PADI2: variants seen among roughly 807,000 people sequenced by gnomAD.
The protein encoded by PADI2 is protein-arginine deiminase type-2.
Under a neutral mutation model 81.1 loss-of-function variants are expected in PADI2, and 70 were observed. That is an observed-to-expected ratio of 0.86 (90% CI 0.71 to 1.05). PADI2 has a LOEUF of 1.05. Ranked by LOEUF, PADI2 falls within the 50% of genes least tolerant of loss-of-function variation. PADI2 has a pLI of 0.00. For synonymous variants in PADI2, 338 were observed against 358.0 expected (o/e 0.94, Z 0.63); for missense variants, 853 against 889.9 (o/e 0.96, Z 0.53).
At chr1:17,070,310 G>C in intron 14 of PADI2, 94 bp from the exon 15 acceptor site, 2 of 1,529,860 alleles carry the variant, frequency 1.3e-6, no homozygotes, top group Non-Finnish European at 8.9e-7. Flanking sequence ...CCAGGCCAGG[G>C]GCCCCGGCAC....
At chr1:17,111,119 C>T (rs1931566283) in intron 1 of PADI2, among the ~76,000 whole-genome samples, 1 of 123,282 alleles carries the variant, frequency 8.1e-6, no homozygotes, top group African/African-American at 3.1e-5. Context: ...ACGGAGTCTT[C>T]CTCTGTTGCC....
At chr1:17,094,989 G>A (rs907949976) in intron 4 of PADI2, among the ~76,000 whole-genome samples, 23 of 152,340 alleles carry the variant, frequency 1.5e-4, no homozygotes, top group African/African-American at 5.3e-4. Context: ...CTCCTGACCT[G>A]CAGAGAGTCA....
At chr1:17,096,980 C>T (rs932454) in intron 3 of PADI2, among the ~76,000 whole-genome samples, 86,868 of 152,062 alleles carry the variant, frequency 0.57, 25,102 homozygotes, top group Non-Finnish European at 0.63. Context: ...CCCTCCCAGT[C>T]GTGACAGCCA....
At chr1:17,100,660 ATTTT>A (rs11380769) in intron 3 of PADI2, among the ~76,000 whole-genome samples, 1 of 131,058 alleles carries the variant, frequency 7.6e-6, no homozygotes, top group African/African-American at 2.9e-5. Flanking sequence ...TTGATAGCAA[ATTTT>A]TTTTTTTTTT....
intron 13 of PADI2, 69 bp from the exon 14 acceptor site, chr1:17,071,560 A>T: frequency 8.1e-7 from 1 of 1,238,864 alleles, no homozygotes; most frequent in Non-Finnish European, 1.2e-6. Context: ...CCTTTTGCCA[A>T]GATCCTCCAG....
rs777705056 is a variant in PADI2 at position 17,119,239 on chromosome 1, G to T, written c.92+41C>A. The T allele has an allele frequency of 6.5e-6, 9 of 1,376,470 alleles. No individual in the cohort carries two copies. In the African/African-American group the frequency reaches 1.3e-4, roughly 21 times the overall value. 85.3% of individuals were successfully genotyped at this position (1,376,470 alleles called of 1,614,324 possible). A position where few individuals can be genotyped will look rare whatever the true frequency, so the allele number is the denominator to read the frequency against. On this transcript the variant is annotated intron_variant, in intron 1 of 15. Transcript: ENST00000375486. This position sits in a 1 kb window ranked among gnomAD's most constrained non-coding sequence, Gnocchi z 4.8. ...TCTGAGCGCGTCTCAGGATTTCTGG[G>T]CTCGAGATCTCGGCCCGGGCATCAC...
At position 17,067,724 on chromosome 1, in the gene PADI2, A is replaced by AAT. The variant is rs1400922459; in HGVS notation, c.*1318_*1319dup. ...GCCTGGCGCTTAGTGGCATACAACA[A>AAT]ATGTTTGTTGAATGGTTGAAGGAAA... is the stretch of plus-strand genomic sequence containing the variant. On this transcript the variant is annotated 3_prime_UTR_variant, in exon 16 of 16. Coordinates refer to ENST00000375486, the MANE Select transcript of PADI2 (RefSeq NM_007365.3). The AAT allele has an allele frequency of 6.6e-6, 1 of 152,196 alleles. No homozygotes were observed. The highest frequency in any genetic ancestry group is 2.4e-5 in the African/African-American group (1 of 41,434). 9.4% of individuals were successfully genotyped at this position (152,196 alleles called of 1,614,324 possible).
At chr1:17,085,679 G>C (rs554604070) in intron 7 of PADI2, among the ~76,000 whole-genome samples, 1 of 152,216 alleles carries the variant, frequency 6.6e-6, no homozygotes, top group Admixed American at 6.5e-5. Flanking sequence ...CTAGTGTCTC[G>C]TGGTGGTTAA....
intron 14 of PADI2, among the ~76,000 whole-genome samples, chr1:17,070,895 C>G (rs1397255847): frequency 1.3e-5 from 2 of 152,186 alleles, no homozygotes; most frequent in East Asian, 1.9e-4. Context: ...CTCCTGACCT[C>G]AGGTGATCTG....
At chr1:17,086,201 A>T (rs1930404842) in intron 7 of PADI2, among the ~76,000 whole-genome samples, 1 of 152,200 alleles carries the variant, frequency 6.6e-6, no homozygotes, top group South Asian at 2.1e-4. Context: ...GCCTCGCGCT[A>T]ATCAGCAGGA....
rs368362488 is a variant in PADI2 at position 17,086,661 on chromosome 1, G to T, written c.694C>A (p.Arg232=). The T allele has an allele frequency of 1.9e-6, 3 of 1,613,910 alleles. No individual in the cohort carries two copies. Among genetic ancestry groups the T allele is most frequent in the Admixed American group, 3.3e-5 (2 of 59,996 alleles). ...TTGACCACATGGTAGAGCTTCCGCC[G>T]GCCCAGGATGTGGATATAGCGTTGG... The part of the protein sequence containing the change: ...FGQRYIHILG[R]RKLYHVVKYT... The change falls in exon 7 of 16, where the codon CGG becomes AGG. Residue 232 remains arginine, a synonymous_variant. Coordinates refer to ENST00000375486, the MANE Select transcript of PADI2 (RefSeq NM_007365.3).
intron 4 of PADI2, among the ~76,000 whole-genome samples, chr1:17,095,348 T>C (rs1446991186): frequency 6.6e-6 from 1 of 152,024 alleles, no homozygotes; most frequent in Non-Finnish European, 1.5e-5. Flanking sequence ...AAGAGACACA[T>C]TAAACCCAGC....
At chr1:17,077,369 A>G (rs2078311152) in intron 11 of PADI2, among the ~76,000 whole-genome samples, 2 of 152,212 alleles carry the variant, frequency 1.3e-5, no homozygotes, top group South Asian at 4.1e-4. Context: ...TCACCGCTGT[A>G]TCCCCAGAGC....
At position 17,079,236 on chromosome 1, in the gene PADI2, C is replaced by G. The variant is rs774006083; in HGVS notation, c.1310+28G>C. ...AACAGTGACTTCCCCACTCCCACAG[C>G]CCCTAGCCCCAGCCTGGCTTCTCTT... is the stretch of plus-strand genomic sequence containing the variant. On this transcript the variant is annotated intron_variant, in intron 11 of 15. Coordinates refer to ENST00000375486, the MANE Select transcript of PADI2 (RefSeq NM_007365.3). 3.1e-6 allele frequency: 5 copies of G among 1,603,412 alleles called. No individual in the cohort carries two copies. In the Admixed American group the frequency reaches 8.4e-5, roughly 27 times the overall value.
intron 7 of PADI2, among the ~76,000 whole-genome samples, chr1:17,085,916 G>C (rs1021735845): frequency 2.0e-5 from 3 of 152,212 alleles, no homozygotes; most frequent in African/African-American, 7.2e-5. Context: ...AGGTCTTTGT[G>C]ATAGAGATTC....
chr1:17,117,299 A>G (rs1316911024), intron 1 of PADI2, among the ~76,000 whole-genome samples: 1 of 152,246 alleles, frequency 6.6e-6, no homozygotes, highest in Non-Finnish European at 1.5e-5. Context: ...TAATTTTTAT[A>G]TTGATTGCAT....
chr1:17,108,399 G>A (rs1931461546), intron 1 of PADI2, among the ~76,000 whole-genome samples: 5 of 152,082 alleles, frequency 3.3e-5, no homozygotes, highest in Admixed American at 3.3e-4. Context: ...TACGCCTCAG[G>A]AGGACTGCCA....
chr1:17,078,299 C>A (rs527269055), intron 11 of PADI2, among the ~76,000 whole-genome samples: 11 of 152,054 alleles, frequency 7.2e-5, no homozygotes, highest in African/African-American at 2.7e-4. Context: ...TTAGTAGAGA[C>A]GAGATTTTTC....
Position 17,068,823 on chromosome 1 carries a change from C to T in PADI2, c.*221G>A. 3.4e-6 allele frequency: 2 copies of T among 584,192 alleles called. No homozygotes were observed. The highest frequency in any genetic ancestry group is 2.0e-5 in the South Asian group (1 of 48,942). The allele number at this position is 584,192 out of a possible 1,614,324, so 36.2% of individuals were successfully genotyped here. A position where few individuals can be genotyped will look rare whatever the true frequency, so the allele number is the denominator to read the frequency against. On this transcript the variant is annotated 3_prime_UTR_variant, in exon 16 of 16. Coordinates refer to ENST00000375486, the MANE Select transcript of PADI2 (RefSeq NM_007365.3). ...CAGGGCTACAGAGACACTGGCCCAGCTATTTTCAGCAGGGACAGAGTCGAG... is the reference window on the plus strand; with the variant it reads ...CAGGGCTACAGAGACACTGGCCCAGTTATTTTCAGCAGGGACAGAGTCGAG...
Sources: allele counts gnomAD v4.1 joint callset (sites outside exome capture counted in the v4.1 genomes callset), GRCh38; gene constraint gnomAD v4.1.1; non-coding constraint Gnocchi (gnomAD v3.1); transcripts MANE v1.5; gene names NCBI Gene and HGNC (gene_info 2026-07-23, HGNC 2026-07-21).